Variants in DPYD observed in about 807,000 individuals in gnomAD.
The protein encoded by DPYD is dihydropyrimidine dehydrogenase.
DPYD carries 109 observed loss-of-function variants against 116.2 expected under a neutral mutation model. The ratio of observed to expected loss-of-function variants is 0.94; its 90% CI spans 0.80 to 1.10. The LOEUF is 1.10. Among genes scored for constraint, DPYD ranks in the 50% least tolerant of loss-of-function variants. The pLI is 0.00. For missense variants in DPYD, 1,302 were observed against 1,254.5 expected (o/e 1.04, Z -0.57); for synonymous variants, 440 against 432.0 (o/e 1.02, Z -0.23).
intron 16 of DPYD, among the ~76,000 whole-genome samples, chr1:97,316,753 C>G (rs1015118859): frequency 6.6e-6 from 1 of 151,684 alleles, no homozygotes; most frequent in African/African-American, 2.4e-5. Flanking sequence ...TCACTTCTTT[C>G]TGGATTGGAT....
At chr1:97,310,606 T>C (rs1184870485) in intron 16 of DPYD, among the ~76,000 whole-genome samples, 1 of 151,828 alleles carries the variant, frequency 6.6e-6, no homozygotes, top group African/African-American at 2.4e-5. Flanking sequence ...TTATTAACTA[T>C]TTTTTAGCAT....
intron 14 of DPYD, among the ~76,000 whole-genome samples, chr1:97,405,032 C>A (rs531822726): frequency 5.3e-5 from 8 of 151,338 alleles, no homozygotes; most frequent in Non-Finnish European, 7.4e-5. Flanking sequence ...CATCAGATAA[C>A]CCCGTACCAC....
chr1:97,183,081 T>C (rs1385567157), intron 20 of DPYD, among the ~76,000 whole-genome samples: 1 of 151,298 alleles, frequency 6.6e-6, no homozygotes, highest in Non-Finnish European at 1.5e-5. Context: ...GTTTTTTTGG[T>C]ATCCTGTCCA....
At chr1:97,863,911 C>A (rs1171634455) in intron 2 of DPYD, among the ~76,000 whole-genome samples, 1 of 151,826 alleles carries the variant, frequency 6.6e-6, no homozygotes, top group Non-Finnish European at 1.5e-5. Context: ...GAATACAGAC[C>A]AGCCTAATTT....
At chr1:97,578,028 T>C in intron 10 of DPYD, among the ~76,000 whole-genome samples, 1 of 151,942 alleles carries the variant, frequency 6.6e-6, no homozygotes, top group East Asian at 1.9e-4. Context: ...GTATTTTTAG[T>C]AGAGACGGGG....
chr1:97,520,766 G>A (rs577478585), intron 12 of DPYD, among the ~76,000 whole-genome samples: 1 of 152,056 alleles, frequency 6.6e-6, no homozygotes. Flanking sequence ...GAGAATGGTG[G>A]TTTCCAGCTT....
At chr1:97,756,428 A>T (rs1665241939) in intron 3 of DPYD, among the ~76,000 whole-genome samples, 1 of 152,184 alleles carries the variant, frequency 6.6e-6, no homozygotes, top group South Asian at 2.1e-4. Context: ...TGCCTCGTTT[A>T]TTCCTCACAT....
At chr1:97,526,874 A>G (rs969949746) in intron 12 of DPYD, among the ~76,000 whole-genome samples, 11 of 152,176 alleles carry the variant, frequency 7.2e-5, no homozygotes, top group African/African-American at 2.7e-4. Context: ...ACAGTTGTCC[A>G]TTTGCAAGTA....
intron 3 of DPYD, among the ~76,000 whole-genome samples, chr1:97,798,830 C>T (rs896263695): frequency 3.3e-5 from 5 of 151,828 alleles, no homozygotes; most frequent in African/African-American, 1.2e-4. Flanking sequence ...TCACAGAGCA[C>T]ATATATGTTC....
intron 3 of DPYD, among the ~76,000 whole-genome samples, chr1:97,744,248 T>C (rs1477556008): frequency 1.3e-5 from 2 of 152,036 alleles, no homozygotes; most frequent in African/African-American, 4.8e-5. Flanking sequence ...GCTAGACAGT[T>C]TGACTCCATA....
chr1:97,373,804 A>T (rs762461938), intron 15 of DPYD, among the ~76,000 whole-genome samples, 160 bp from the exon 16 acceptor site: 41 of 152,176 alleles, frequency 2.7e-4, no homozygotes, highest in Non-Finnish European at 5.0e-4. Context: ...TCTCAAATTA[A>T]GGTCTATATA....
intron 13 of DPYD, among the ~76,000 whole-genome samples, chr1:97,488,390 T>A (rs6679873): frequency 6.6e-6 from 1 of 151,874 alleles, no homozygotes; most frequent in East Asian, 1.9e-4. Context: ...GAACCTACAC[T>A]TGATAAAACT....
At chr1:97,560,402 TTAAATAG>T (rs976183241) in intron 11 of DPYD, among the ~76,000 whole-genome samples, 4 of 151,954 alleles carry the variant, frequency 2.6e-5, no homozygotes, top group Non-Finnish European at 5.9e-5. Context: ...ACACTTGCAG[TTAAATAG>T]TAAAGGCAAA....
chr1:97,632,600 T>G (rs1270996499), intron 8 of DPYD, among the ~76,000 whole-genome samples: 2 of 152,136 alleles, frequency 1.3e-5, no homozygotes, highest in African/African-American at 4.8e-5. Flanking sequence ...TCAATGATAT[T>G]TTGACTCTCA....
intron 1 of DPYD, among the ~76,000 whole-genome samples, chr1:97,883,598 TACC>T (rs1486218600): frequency 6.6e-6 from 1 of 151,834 alleles, no homozygotes; most frequent in Non-Finnish European, 1.5e-5. Flanking sequence ...AGGCGTACGC[TACC>T]ACACCTGGCT....
At chr1:97,264,740 AAC>A (rs1234731791) in intron 18 of DPYD, among the ~76,000 whole-genome samples, 2 of 152,150 alleles carry the variant, frequency 1.3e-5, no homozygotes. Context: ...AGCACAATTC[AAC>A]ACCACAAGGC....
intron 1 of DPYD, among the ~76,000 whole-genome samples, chr1:97,890,453 G>A (rs1672720707): frequency 6.6e-6 from 1 of 151,738 alleles, no homozygotes; most frequent in Non-Finnish European, 1.5e-5. Flanking sequence ...TCTCAAGTTA[G>A]ACATCTGTGT....
chr1:97,172,902 T>G (rs923542211), intron 20 of DPYD, among the ~76,000 whole-genome samples: 3 of 152,166 alleles, frequency 2.0e-5, no homozygotes, highest in Non-Finnish European at 4.4e-5. Flanking sequence ...AGTGTTTTCA[T>G]CCCTCAAGAC....
intron 13 of DPYD, among the ~76,000 whole-genome samples, chr1:97,473,072 T>C (rs1255018586): frequency 6.6e-6 from 1 of 152,188 alleles, no homozygotes; most frequent in African/African-American, 2.4e-5. Flanking sequence ...CCAGAACATA[T>C]TCATCTTAAA....
Sources: gnomAD v4.1 joint callset for allele counts (sites outside exome capture counted in the v4.1 genomes callset) on GRCh38, gnomAD v4.1.1 for gene constraint, MANE v1.5 for transcripts, NCBI Gene and HGNC (gene_info 2026-07-23, HGNC 2026-07-21) for gene names.